The following USP24 variants were observed in gnomAD, a reference collection of about 807,000 sequenced individuals.
USP24 encodes the protein ubiquitin specific peptidase 24, also known as ubiquitin carboxyl-terminal hydrolase 24.
In USP24, 97 loss-of-function variants were observed where a neutral mutation model predicts 361.6. The ratio of observed to expected loss-of-function variants is 0.27; its 90% CI spans 0.23 to 0.32. The LOEUF (loss-of-function observed/expected upper bound fraction) is 0.32, where lower values mean the gene tolerates loss of function less well. USP24 is among the 10% of genes least tolerant of loss of function. The pLI, the probability that USP24 is intolerant of heterozygous loss-of-function variation, is 1.00. For synonymous variants in USP24, 1,098 were observed against 1,124.6 expected, an observed-to-expected ratio of 0.98 and a Z score of 0.47; for missense variants, 2,353 against 3,165.6, an observed-to-expected ratio of 0.74 and a Z score of 6.16.
rs747513954 is a variant in USP24 at position 55,125,472 on chromosome 1, A to C, written c.3808T>G (p.Ser1270Ala). 1 of 1,613,992 alleles carries C rather than the reference A, an allele frequency of 6.2e-7. No individual in the cohort carries two copies. Among genetic ancestry groups the C allele is most frequent in the Admixed American group, 1.7e-5 (1 of 60,028 alleles). The change falls in exon 34 of 68, where the codon TCC becomes GCC. Residue 1270 changes from serine (S) to alanine (A), a missense_variant. By Grantham distance (99) the Ser-to-Ala change is moderately conservative (BLOSUM62 1). Around this residue, in one of 8 missense-constraint regions of USP24, gnomAD observed 949 missense variants for 1,280.5 expected, o/e 0.74. Coordinates refer to ENST00000294383, the MANE Select transcript of USP24 (RefSeq NM_015306.3). ...LTKDGIEALS[S>A]RPFRNVSRQT... ...CGGCTGACATTTCGGAATGGGCGGG[A>C]AGAAAGTGCTTCTATACCATCTTTG...
chr1:55,183,081 A>T (rs1441091801), intron 1 of USP24, among the ~76,000 whole-genome samples: 1 of 152,228 alleles, frequency 6.6e-6, no homozygotes, highest in African/African-American at 2.4e-5. Context: ...ACCAAAGACA[A>T]GTACACTAGA....
chr1:55,214,926 C>T lies in USP24; in HGVS notation c.188G>A (p.Ser63Asn), dbSNP rs1158365155. ...YEPMDSGGGP[S>N]PGPGGGPRGD... ...CCGCGGGCCCCCGCCGGGCCCGGGG[C>T]TGGGGCCACCGCCGCTGTCCATGGG... The change falls in exon 1 of 68, where the codon AGC (serine) becomes AAC (asparagine). Residue 63 changes from serine (S) to asparagine (N), a missense_variant. By Grantham distance (46) the Ser-to-Asn change is conservative. Around this residue, in one of 8 missense-constraint regions of USP24, gnomAD observed 253 missense variants for 255.3 expected, o/e 0.99. Transcript: ENST00000294383. The T allele has an allele frequency of 1.5e-6, 2 of 1,361,226 alleles. No homozygotes were observed. Among genetic ancestry groups the T allele is most frequent in the East Asian group, 3.3e-5 (1 of 30,362 alleles). 84.3% of individuals were successfully genotyped at this position (1,361,226 alleles called of 1,614,324 possible). A position where few individuals can be genotyped will look rare whatever the true frequency, so the allele number is the denominator to read the frequency against.
Position 55,121,450 on chromosome 1 carries a change from A to C in USP24, c.4333T>G (p.Ser1445Ala). Reference protein sequence around the residue: ...ADFIIDILLGSPSAEIRRVAC... With the variant: ...ADFIIDILLGAPSAEIRRVAC... ...AAAATCCTTACCTCAGCACTTGGTG[A>C]TCCGAGCAGAATATCAATGATGAAA... The change falls in exon 37 of 68, where the codon TCA becomes GCA. Residue 1445 changes from serine (S) to alanine (A), a missense_variant. Around this residue, in one of 8 missense-constraint regions of USP24, gnomAD observed 949 missense variants for 1,280.5 expected, o/e 0.74. Coordinates refer to ENST00000294383, the MANE Select transcript of USP24 (RefSeq NM_015306.3). 1 of 1,613,718 alleles carries C rather than the reference A, an allele frequency of 6.2e-7. No individual in the cohort carries two copies. The highest frequency in any genetic ancestry group is 2.2e-5 in the East Asian group (1 of 44,876).
At chr1:55,201,895 T>A (rs1291425010) in intron 1 of USP24, among the ~76,000 whole-genome samples, 1 of 152,144 alleles carries the variant, frequency 6.6e-6, no homozygotes, top group Non-Finnish European at 1.5e-5. Context: ...TCCTACCCTA[T>A]CTCTGCCAAC....
At chr1:55,193,319 T>G (rs895684274) in intron 1 of USP24, among the ~76,000 whole-genome samples, 1 of 152,110 alleles carries the variant, frequency 6.6e-6, no homozygotes, top group Admixed American at 6.5e-5. Context: ...CAGATTTTGG[T>G]ATCCCCAAGG....
chr1:55,184,306 C>T (rs1240306607), intron 1 of USP24, among the ~76,000 whole-genome samples: 1 of 152,182 alleles, frequency 6.6e-6, no homozygotes, highest in Non-Finnish European at 1.5e-5. Context: ...ATCCACCTGC[C>T]TCAGCCTCCC....
rs1359227165 is a variant in USP24, at chr1:55,214,779, C to A, written c.324+11G>T. 8.2e-6 allele frequency: 10 copies of A among 1,222,902 alleles called. No homozygotes were observed. The highest frequency in any genetic ancestry group is 1.0e-5 in the Non-Finnish European group (10 of 972,264). 75.8% of individuals were successfully genotyped at this position (1,222,902 alleles called of 1,614,324 possible). A position where few individuals can be genotyped will look rare whatever the true frequency, so the allele number is the denominator to read the frequency against. On this transcript the variant is annotated intron_variant, in intron 1 of 67. Coordinates refer to ENST00000294383, the MANE Select transcript of USP24 (RefSeq NM_015306.3). ...GGCTTCCCACAGAGGTCTGGGGTTG[C>A]CCCTCCTCACCTCCGCGTCCACCAC... is the stretch of plus-strand genomic sequence containing the variant.
chr1:55,082,688 G>A (rs1010536019), intron 58 of USP24, among the ~76,000 whole-genome samples: 2 of 152,260 alleles, frequency 1.3e-5, no homozygotes, highest in African/African-American at 4.8e-5. Flanking sequence ...AGGGGGCTGA[G>A]GAGGGAGGAT....
At chr1:55,177,858 TA>T (rs1650146007) in intron 2 of USP24, 108 bp downstream of exon 2, 4 of 1,048,520 alleles carry the variant, frequency 3.8e-6, no homozygotes, top group Middle Eastern at 2.5e-4. Context: ...ACTAAGAGAA[TA>T]AATGATCTGT....
At chr1:55,115,665 G>A (rs190610866) in intron 38 of USP24, among the ~76,000 whole-genome samples, 1,810 of 152,086 alleles carry the variant, frequency 0.012, 38 homozygotes, top group African/African-American at 0.042. Context: ...TCCCATCACT[G>A]GATATATACC....
At position 55,134,144 on chromosome 1, in the gene USP24, T is replaced by C. The variant is rs1387771759; in HGVS notation, c.3307A>G (p.Lys1103Glu). The C allele has an allele frequency of 6.2e-7, 1 of 1,613,588 alleles. No homozygotes were observed. Among genetic ancestry groups the C allele is most frequent in the Non-Finnish European group, 8.5e-7 (1 of 1,179,786 alleles). ...EEPRITLRVR[K>E]LLLLIPTDPA... ...TCAGTGGGTATCAAGAGCAGAAGCT[T>C]CCGTACTCGTAGAGTTATCCTGAAG... The change falls in exon 30 of 68, where the codon AAG becomes GAG. Residue 1103 changes from lysine to glutamate, a missense_variant. Around this residue, in one of 8 missense-constraint regions of USP24, gnomAD observed 949 missense variants for 1,280.5 expected, o/e 0.74. Coordinates refer to ENST00000294383, the MANE Select transcript of USP24 (RefSeq NM_015306.3).
chr1:55,137,286 A>C (rs1646764190), intron 28 of USP24, among the ~76,000 whole-genome samples: 1 of 152,220 alleles, frequency 6.6e-6, no homozygotes, highest in Non-Finnish European at 1.5e-5. Flanking sequence ...AAAAGCTGGA[A>C]ACGAGTTCAG....
chr1:55,162,168 T>C (rs2100767862), intron 8 of USP24, 31 bp downstream of exon 8: 3 of 1,565,770 alleles, frequency 1.9e-6, no homozygotes, highest in Middle Eastern at 1.7e-4. Flanking sequence ...TCTTCAATCA[T>C]ATGAAGTAAT....
intron 35 of USP24, 38 bp from the exon 36 acceptor site, chr1:55,123,640 C>A (rs556959987): frequency 6.5e-7 from 1 of 1,537,442 alleles, no homozygotes; most frequent in Non-Finnish European, 8.8e-7. Flanking sequence ...GTGGATCCTA[C>A]AGGAACTATG....
chr1:55,081,278 A>G, intron 59 of USP24, 44 bp downstream of exon 59: 1 of 1,576,088 alleles, frequency 6.3e-7, no homozygotes, highest in South Asian at 1.1e-5. Context: ...TCTCCAAGCT[A>G]GACAAATTCA....
At chr1:55,129,804 CT>C (rs1369251554) in intron 31 of USP24, among the ~76,000 whole-genome samples, 7 of 152,102 alleles carry the variant, frequency 4.6e-5, no homozygotes. Context: ...CTGGTGTGTT[CT>C]TTTCATGAAA....
rs545105253 is a variant in USP24, at chr1:55,144,408, A to G, written c.2363-205T>C. Among the ~76,000 whole-genome samples, 25 of 152,330 alleles carry G rather than the reference A, an allele frequency of 1.6e-4. 1 individual carries two copies. The East Asian group carries it at 4.8e-3, about 29-fold the overall frequency. ...AGTGCTTCAAATGACATTAACAAGA[A>G]AGTGAAAAGACAACTCACATAATGG... On this transcript the variant is annotated intron_variant, in intron 20 of 67. Transcript: ENST00000294383.
Position 55,083,808 on chromosome 1 carries a change from A to G in USP24, c.6846T>C (p.Ala2282=), listed in dbSNP as rs767106664. ...AAGTGTTGAACAGGAAAAAGTACTG[A>G]GCACAGTTTTTACAATTTTCTGGGA... is the stretch of plus-strand genomic sequence containing the variant. ...KDVPENCKNC[A]QYFFLFNTFV... is the part of the protein sequence containing the mutation. Residue 2282 remains alanine (A), a synonymous_variant, in exon 57 of 68, where the codon GCT becomes GCC. Transcript: ENST00000294383. The G allele has an allele frequency of 1.2e-6, 2 of 1,603,216 alleles. No homozygotes were observed. Among genetic ancestry groups the G allele is most frequent in the Non-Finnish European group, 1.7e-6 (2 of 1,174,422 alleles).
At chr1:55,212,381 G>A (rs1158692487) in intron 1 of USP24, among the ~76,000 whole-genome samples, 1 of 152,088 alleles carries the variant, frequency 6.6e-6, no homozygotes, top group Non-Finnish European at 1.5e-5. Flanking sequence ...AAGCACACTG[G>A]CTTTGAAGTC....
Sources: allele counts gnomAD v4.1 joint callset (sites outside exome capture counted in the v4.1 genomes callset), GRCh38; gene constraint gnomAD v4.1.1; regional missense constraint gnomAD v4.1.1; transcripts MANE v1.5; gene names NCBI Gene and HGNC (gene_info 2026-07-23, HGNC 2026-07-21).